Variants in STXBP5L observed in about 807,000 individuals in gnomAD.
The protein encoded by STXBP5L is syntaxin binding protein 5L.
Under a neutral mutation model 144.5 loss-of-function variants are expected in STXBP5L, and 65 were observed. The ratio of observed to expected loss-of-function variants is 0.45; its 90% CI spans 0.37 to 0.55. The LOEUF (loss-of-function observed/expected upper bound fraction) is 0.55. STXBP5L is among the 20% of genes least tolerant of loss of function. STXBP5L has a pLI of 0.00. For missense variants in STXBP5L, 1,298 were observed against 1,405.5 expected (o/e 0.92, Z 1.22); for synonymous variants, 505 against 469.6 (o/e 1.08, Z -0.97).
intron 3 of STXBP5L, among the ~76,000 whole-genome samples, chr3:120,990,355 T>C (rs1942719629): frequency 6.6e-6 from 1 of 152,162 alleles, no homozygotes; most frequent in Admixed American, 6.5e-5. Context: ...ATAGGAAGAA[T>C]CAATATCGTG....
At chr3:121,418,627 A>G (rs2047294622) in intron 26 of STXBP5L, 70 bp downstream of exon 26, 1 of 1,452,814 alleles carries the variant, frequency 6.9e-7, no homozygotes, top group South Asian at 1.3e-5. Flanking sequence ...TCTGCACAAG[A>G]AAGCTTAAAC....
intron 12 of STXBP5L, among the ~76,000 whole-genome samples, chr3:121,235,139 A>G (rs1314848803): frequency 2.0e-5 from 3 of 151,970 alleles, no homozygotes; most frequent in Admixed American, 2.0e-4. Flanking sequence ...GCAAGTTTTC[A>G]TCTAACATTT....
chr3:121,147,905 G>A (rs891669595), intron 7 of STXBP5L, among the ~76,000 whole-genome samples: 4 of 151,908 alleles, frequency 2.6e-5, no homozygotes, highest in Admixed American at 6.6e-5. Context: ...CTGAAACATC[G>A]GCTCTTCCTG....
At chr3:121,192,768 T>A (rs2047751256) in intron 9 of STXBP5L, among the ~76,000 whole-genome samples, 1 of 152,170 alleles carries the variant, frequency 6.6e-6, no homozygotes, top group Non-Finnish European at 1.5e-5. Flanking sequence ...TGGCTAGCCA[T>A]CTGTAGAGAG....
chr3:121,382,281 G>A (rs1302628480), intron 22 of STXBP5L, among the ~76,000 whole-genome samples: 2 of 151,956 alleles, frequency 1.3e-5, no homozygotes, highest in Non-Finnish European at 1.5e-5. Flanking sequence ...ATATTATATA[G>A]AAGGTTACAC....
intron 5 of STXBP5L, among the ~76,000 whole-genome samples, chr3:121,077,659 C>A (rs546368690): frequency 1.3e-5 from 2 of 152,264 alleles, no homozygotes; most frequent in South Asian, 4.1e-4. Context: ...GCTGATTGGT[C>A]CATTTTACAG....
At chr3:120,932,217 T>C (rs950478513) in intron 2 of STXBP5L, among the ~76,000 whole-genome samples, 5 of 152,198 alleles carry the variant, frequency 3.3e-5, no homozygotes, top group Admixed American at 6.5e-5. Context: ...AAAATGTCAT[T>C]ATGCAGCACA....
chr3:121,276,793 A>G (rs967008023), intron 18 of STXBP5L, among the ~76,000 whole-genome samples: 8 of 151,620 alleles, frequency 5.3e-5, no homozygotes, highest in South Asian at 2.1e-4. Flanking sequence ...AGTTGTTTTC[A>G]GCAATATGAT....
chr3:121,138,178 T>TA (rs538311548), intron 7 of STXBP5L, among the ~76,000 whole-genome samples: 57 of 152,090 alleles, frequency 3.7e-4, no homozygotes, highest in East Asian at 3.1e-3. Flanking sequence ...CCATATCCAT[T>TA]AAAAAAACTG....
At chr3:120,909,210 T>C (rs1708697661) in intron 1 of STXBP5L, 1 of 178,868 alleles carries the variant, frequency 5.6e-6, no homozygotes, top group African/African-American at 2.4e-5. Context: ...AACTCTGGTT[T>C]GATTGTATAA....
intron 5 of STXBP5L, among the ~76,000 whole-genome samples, chr3:121,093,720 C>A (rs1277136187): frequency 6.6e-6 from 1 of 152,088 alleles, no homozygotes; most frequent in Non-Finnish European, 1.5e-5. Flanking sequence ...TTTCAAAAAA[C>A]CAGCTCCTGG....
chr3:121,026,017 A>G (rs1945911365), intron 3 of STXBP5L, among the ~76,000 whole-genome samples: 1 of 142,416 alleles, frequency 7.0e-6, no homozygotes, highest in Non-Finnish European at 1.5e-5. Context: ...ATATAAATAT[A>G]TTTATAATTT....
intron 20 of STXBP5L, among the ~76,000 whole-genome samples, chr3:121,350,729 C>A (rs1430610985): frequency 1.3e-5 from 2 of 151,972 alleles, no homozygotes; most frequent in Non-Finnish European, 2.9e-5. Context: ...ATCACTGATA[C>A]CCTTTCTTCC....
At chr3:121,390,958 G>T (rs2046569036) in intron 22 of STXBP5L, among the ~76,000 whole-genome samples, 1 of 152,066 alleles carries the variant, frequency 6.6e-6, no homozygotes, top group African/African-American at 2.4e-5. Context: ...AGTTCTCCTG[G>T]ATAATACCCT....
At chr3:121,080,717 T>C (rs2042215519) in intron 5 of STXBP5L, among the ~76,000 whole-genome samples, 1 of 152,212 alleles carries the variant, frequency 6.6e-6, no homozygotes, top group African/African-American at 2.4e-5. Context: ...CTGTTAACCT[T>C]ATAGGTTTTT....
At chr3:121,018,829 A>T (rs546931188) in intron 3 of STXBP5L, among the ~76,000 whole-genome samples, 1 of 152,216 alleles carries the variant, frequency 6.6e-6, no homozygotes, top group Non-Finnish European at 1.5e-5. Context: ...CTTTTACTTC[A>T]TGAATTACTG....
chr3:121,418,402 A>G lies in STXBP5L; in HGVS notation c.3292A>G (p.Ile1098Val). 6.2e-7 allele frequency: 1 copy of G among 1,614,056 alleles called. No individual in the cohort carries two copies. Among genetic ancestry groups the G allele is most frequent in the East Asian group, 2.2e-5 (1 of 44,860 alleles). The change falls in exon 26 of 27, where the codon ATA becomes GTA. Residue 1098 changes from isoleucine (I) to valine (V), a missense_variant. Coordinates refer to ENST00000471454, the MANE Select transcript of STXBP5L (RefSeq NM_001308330.2). ...GCAACACATTCCTGGACCAGGTAGT[A>G]TAGAAGGGATGAAAGGCGCTGCTGG... ...LAQHIPGPGS[I>V]EGMKGAAGGV...
chr3:121,043,844 A>C (rs1271225127), intron 4 of STXBP5L, among the ~76,000 whole-genome samples: 3 of 152,222 alleles, frequency 2.0e-5, no homozygotes, highest in Non-Finnish European at 2.9e-5. Flanking sequence ...TATAGCATGT[A>C]ACTATCTCTT....
At chr3:121,141,075 A>C (rs1477883291) in intron 7 of STXBP5L, among the ~76,000 whole-genome samples, 1 of 152,196 alleles carries the variant, frequency 6.6e-6, no homozygotes, top group East Asian at 1.9e-4. Flanking sequence ...AATTGAAAGA[A>C]AAGTATGTTA....
Sources: gnomAD v4.1 joint callset for allele counts (sites outside exome capture counted in the v4.1 genomes callset) on GRCh38, gnomAD v4.1.1 for gene constraint, MANE v1.5 for transcripts, NCBI Gene and HGNC (gene_info 2026-07-23, HGNC 2026-07-21) for gene names.